Variants in CCNY observed in about 807,000 individuals in gnomAD.
CCNY encodes cyclin Y.
A neutral mutation model predicts 42.8 loss-of-function variants in CCNY; 19 were observed. The ratio of observed to expected loss-of-function variants is 0.44; its 90% confidence interval spans 0.31 to 0.65. The LOEUF (loss-of-function observed/expected upper bound fraction) is 0.65, where lower values mean the gene tolerates loss of function less well. CCNY is among the 30% of genes least tolerant of loss of function. The probability of loss-of-function intolerance (pLI) is 0.07; values close to 1 mark genes in which losing one functional copy is unlikely to be tolerated. For missense variants in CCNY, 370 were observed against 437.3 expected (o/e 0.85, Z 1.37); for synonymous variants, 165 against 162.7 (o/e 1.01, Z -0.11).
intron 1 of CCNY, among the ~76,000 whole-genome samples, chr10:35,430,558 C>T (rs981027260): frequency 6.6e-6 from 1 of 151,934 alleles, no homozygotes; most frequent in Non-Finnish European, 1.5e-5. Context: ...GCATCTTTCA[C>T]TTTAGAAATA....
intron 4 of CCNY, among the ~76,000 whole-genome samples, chr10:35,521,072 C>T (rs902408815): frequency 1.3e-5 from 2 of 152,226 alleles, no homozygotes; most frequent in Non-Finnish European, 2.9e-5. Context: ...TTAGGATTGT[C>T]ATATACATTG....
chr10:35,271,101 T>C (rs11010151), intron 3 of CCNY, among the ~76,000 whole-genome samples: 68,806 of 151,896 alleles, frequency 0.45, 17,248 homozygotes, highest in African/African-American at 0.68. Context: ...CACGCTCTGT[T>C]ATAACAAGTA....
intron 5 of CCNY, among the ~76,000 whole-genome samples, chr10:35,527,400 A>G (rs984932910): frequency 3.3e-5 from 5 of 152,236 alleles, no homozygotes; most frequent in Admixed American, 1.3e-4. Context: ...TACTTAGACT[A>G]TGATGGATCC....
intron 1 of CCNY, among the ~76,000 whole-genome samples, chr10:35,453,562 A>G (rs1448035940): frequency 6.6e-6 from 1 of 152,232 alleles, no homozygotes; most frequent in Non-Finnish European, 1.5e-5. Flanking sequence ...AAATTACTGT[A>G]TGACAAGGTA....
At chr10:35,306,310 C>T (rs1835605959) in intron 3 of CCNY, among the ~76,000 whole-genome samples, 1 of 152,230 alleles carries the variant, frequency 6.6e-6, no homozygotes, top group Non-Finnish European at 1.5e-5. Context: ...GCTGGGATTA[C>T]AGGCGTGAGC....
chr10:35,309,137 A>C (rs1333328321), intron 3 of CCNY, among the ~76,000 whole-genome samples: 2 of 152,240 alleles, frequency 1.3e-5, no homozygotes, highest in East Asian at 3.8e-4. Context: ...GCAGAGGGAA[A>C]GGCTACATCT....
chr10:35,330,441 C>T (rs964912201), intron 3 of CCNY, among the ~76,000 whole-genome samples: 1 of 152,218 alleles, frequency 6.6e-6, no homozygotes, highest in Non-Finnish European at 1.5e-5. Flanking sequence ...GATAGCCCCA[C>T]AGGTCTTGGT....
chr10:35,521,977 T>G (rs553120570), intron 4 of CCNY, among the ~76,000 whole-genome samples: 1 of 152,212 alleles, frequency 6.6e-6, no homozygotes, highest in South Asian at 2.1e-4. Context: ...AAAACGGGTG[T>G]CAAGGAGCCA....
intron 1 of CCNY, among the ~76,000 whole-genome samples, chr10:35,355,296 T>C (rs1019880956): frequency 3.9e-5 from 6 of 152,214 alleles, no homozygotes; most frequent in African/African-American, 1.4e-4. Context: ...TTGATTTTTT[T>C]CCCTCAGGGA....
chr10:35,450,065 G>T (rs554067396), intron 1 of CCNY, among the ~76,000 whole-genome samples: 1 of 152,128 alleles, frequency 6.6e-6, no homozygotes, highest in African/African-American at 2.4e-5. Context: ...GTGGTGGCAC[G>T]TGAGAGCACC....
chr10:35,428,928 G>C (rs979068505), intron 1 of CCNY, among the ~76,000 whole-genome samples: 4 of 152,188 alleles, frequency 2.6e-5, no homozygotes, highest in Admixed American at 2.6e-4. Flanking sequence ...CCCTTACTTA[G>C]GGCAAGGCAC....
At chr10:35,277,470 T>C (rs1444315162) in intron 3 of CCNY, among the ~76,000 whole-genome samples, 1 of 152,108 alleles carries the variant, frequency 6.6e-6, no homozygotes, top group Admixed American at 6.6e-5. Context: ...CCTCTGCTAT[T>C]GTGAAGATTC....
chr10:35,422,150 C>T (rs1038571934), intron 1 of CCNY, among the ~76,000 whole-genome samples: 2 of 152,118 alleles, frequency 1.3e-5, no homozygotes, highest in African/African-American at 2.4e-5. Context: ...TCTAATTTTA[C>T]ACCTTTCTAT....
intron 1 of CCNY, among the ~76,000 whole-genome samples, chr10:35,430,904 G>C (rs1838379904): frequency 6.6e-6 from 1 of 152,034 alleles, no homozygotes; most frequent in African/African-American, 2.4e-5. Context: ...GGATCACAAG[G>C]TCAAGAGATC....
At chr10:35,357,178 C>A (rs1344639589) in intron 1 of CCNY, among the ~76,000 whole-genome samples, 1 of 151,110 alleles carries the variant, frequency 6.6e-6, no homozygotes, top group Admixed American at 6.6e-5. Context: ...CTGCTCCTGC[C>A]CCTGCCCCTG....
chr10:35,549,629 G>C (rs1244801021), intron 7 of CCNY, among the ~76,000 whole-genome samples: 2 of 135,852 alleles, frequency 1.5e-5, no homozygotes, highest in Non-Finnish European at 1.6e-5. Context: ...TGACCCTACA[G>C]TGCTCGTGAC....
At chr10:35,533,774 G>A (rs559510626) in intron 7 of CCNY, among the ~76,000 whole-genome samples, 5 of 152,256 alleles carry the variant, frequency 3.3e-5, no homozygotes, top group Non-Finnish European at 5.9e-5. Context: ...AGCCCCATGC[G>A]TAAGAAATGT....
intron 1 of CCNY, among the ~76,000 whole-genome samples, chr10:35,343,381 TC>T (rs543210442): frequency 6.2e-5 from 8 of 129,962 alleles, no homozygotes; most frequent in Admixed American, 4.7e-4. Flanking sequence ...AAGCTGATGG[TC>T]TTTTTTTTTT....
intron 1 of CCNY, among the ~76,000 whole-genome samples, chr10:35,399,058 C>CAAA (rs1450706766): frequency 6.6e-6 from 1 of 152,336 alleles, no homozygotes; most frequent in East Asian, 1.9e-4. Context: ...AAGTTCCAAG[C>CAAA]AAATGTACAA....
Sources: allele counts gnomAD v4.1 joint callset (sites outside exome capture counted in the v4.1 genomes callset), GRCh38; gene constraint gnomAD v4.1.1; transcripts MANE v1.5; gene names NCBI Gene and HGNC (gene_info 2026-07-23, HGNC 2026-07-21).